THADA: variants seen among roughly 807,000 people sequenced by gnomAD.
THADA encodes tRNA (32-2'-O)-methyltransferase regulator THADA.
Under a neutral mutation model 219.8 loss-of-function variants are expected in THADA, and 213 were observed. That is an observed-to-expected ratio of 0.97 (90% confidence interval 0.87 to 1.09). The LOEUF is 1.09. Among genes scored for constraint, THADA ranks in the 50% least tolerant of loss-of-function variants. The pLI, the probability that THADA is intolerant of heterozygous loss-of-function variation, is 0.00. For synonymous variants in THADA, 1,018 were observed against 828.9 expected, an observed-to-expected ratio of 1.23 and a Z score of -3.92; for missense variants, 2,956 against 2,311.3, an observed-to-expected ratio of 1.28 and a Z score of -5.72.
intron 29 of THADA, among the ~76,000 whole-genome samples, chr2:43,380,793 C>G (rs1223770150): frequency 1.3e-5 from 2 of 152,112 alleles, no homozygotes; most frequent in Non-Finnish European, 2.9e-5. Context: ...ACTAGAACAT[C>G]TTGTTCCAGA....
intron 26 of THADA, among the ~76,000 whole-genome samples, chr2:43,475,169 C>T (rs1481865155): frequency 2.0e-5 from 3 of 152,128 alleles, no homozygotes; most frequent in Non-Finnish European, 4.4e-5. Flanking sequence ...GTAATCCTAT[C>T]ACTTTGGGAG....
intron 29 of THADA, among the ~76,000 whole-genome samples, chr2:43,351,805 T>A (rs142886550): frequency 6.6e-6 from 1 of 152,222 alleles, no homozygotes; most frequent in Non-Finnish European, 1.5e-5. Context: ...GGAAATAGTA[T>A]TGACAAGAGA....
At chr2:43,268,983 A>C (rs1671835858) in intron 36 of THADA, among the ~76,000 whole-genome samples, 1 of 152,204 alleles carries the variant, frequency 6.6e-6, no homozygotes, top group East Asian at 1.9e-4. Flanking sequence ...TAGTGACCCT[A>C]ACACCTGAAA....
chr2:43,514,873 TATA>T (rs1191486835), intron 22 of THADA, among the ~76,000 whole-genome samples: 2 of 72,358 alleles, frequency 2.8e-5, no homozygotes, highest in African/African-American at 6.6e-5. Context: ...ATATTTTATG[TATA>T]ATATGTATAA....
chr2:43,334,210 T>C (rs1458031736), intron 30 of THADA, among the ~76,000 whole-genome samples: 1 of 151,470 alleles, frequency 6.6e-6, no homozygotes, highest in Non-Finnish European at 1.5e-5. Context: ...GATGGGAGTA[T>C]GGATAGGGGG....
intron 29 of THADA, among the ~76,000 whole-genome samples, chr2:43,356,893 A>G (rs1279911197): frequency 6.6e-6 from 1 of 152,212 alleles, no homozygotes; most frequent in Non-Finnish European, 1.5e-5. Context: ...TTCTTGTTCC[A>G]CATGGATTTT....
intron 36 of THADA, among the ~76,000 whole-genome samples, chr2:43,240,604 G>A (rs1668519547): frequency 6.6e-6 from 1 of 152,118 alleles, no homozygotes; most frequent in African/African-American, 2.4e-5. Flanking sequence ...GATTCCAGGT[G>A]GGGCACTCTG....
At chr2:43,515,406 C>G (rs1414065310) in intron 22 of THADA, among the ~76,000 whole-genome samples, 22 of 77,788 alleles carry the variant, frequency 2.8e-4, no homozygotes, top group Non-Finnish European at 5.2e-4. Flanking sequence ...TATATATAAA[C>G]TATATATACA....
intron 36 of THADA, among the ~76,000 whole-genome samples, chr2:43,234,332 C>T (rs1667776302): frequency 6.6e-6 from 1 of 152,192 alleles, no homozygotes; most frequent in East Asian, 1.9e-4. Context: ...ACAGCAGCAC[C>T]TAGTTGCATG....
intron 29 of THADA, among the ~76,000 whole-genome samples, chr2:43,391,603 G>GC (rs1673390667): frequency 6.7e-6 from 1 of 149,314 alleles, no homozygotes; most frequent in Non-Finnish European, 1.5e-5. Context: ...CCTTTCTTTA[G>GC]TTTTTTTTTT....
intron 31 of THADA, among the ~76,000 whole-genome samples, chr2:43,298,699 G>C (rs1675887726): frequency 6.6e-6 from 1 of 152,118 alleles, no homozygotes; most frequent in African/African-American, 2.4e-5. Flanking sequence ...TGCTGGACTT[G>C]AGAGTTGGAC....
At chr2:43,415,026 C>T (rs1676761299) in intron 28 of THADA, among the ~76,000 whole-genome samples, 1 of 152,194 alleles carries the variant, frequency 6.6e-6, no homozygotes, top group African/African-American at 2.4e-5. Context: ...TCACTGCAGT[C>T]TTCCAAAGGT....
intron 25 of THADA, among the ~76,000 whole-genome samples, chr2:43,487,505 T>C (rs1687054667): frequency 6.6e-6 from 1 of 152,162 alleles, no homozygotes; most frequent in Admixed American, 6.5e-5. Flanking sequence ...GAGACACATG[T>C]CTTTTTAGTA....
rs1673305346 is a variant in THADA at position 43,281,131 on chromosome 2, T to C, written c.5165-1235A>G. On this transcript the variant is annotated intron_variant, in intron 35 of 37. Transcript: ENST00000405975. ...TAAGAACTCCCCTTTGTCTATCCTC[T>C]ACCTCATCTGTACATGGAGAACCTG... 2.0e-5 allele frequency among the ~76,000 whole-genome samples: 3 copies of C among 152,216 alleles called. 1 individual carries two copies. Among genetic ancestry groups the C allele is most frequent in the Admixed American group, 2.0e-4 (3 of 15,286 alleles).
intron 29 of THADA, among the ~76,000 whole-genome samples, chr2:43,390,452 C>A (rs1281258853): frequency 6.6e-6 from 1 of 152,076 alleles, no homozygotes; most frequent in African/African-American, 2.4e-5. Context: ...TACCTTTATT[C>A]AAAAAATAAG....
chr2:43,468,211 C>A (rs1455555606), intron 26 of THADA, among the ~76,000 whole-genome samples: 2 of 152,074 alleles, frequency 1.3e-5, no homozygotes, highest in South Asian at 2.1e-4. Context: ...TTTGAGAATG[C>A]TTGGTGTAAA....
chr2:43,248,117 T>C (rs1357461221), intron 36 of THADA, among the ~76,000 whole-genome samples: 4 of 129,722 alleles, frequency 3.1e-5, no homozygotes, highest in Non-Finnish European at 6.4e-5. Context: ...ATGCCTTCAC[T>C]GCTCCATACA....
chr2:43,362,119 G>A (rs1669589795), intron 29 of THADA, among the ~76,000 whole-genome samples: 1 of 152,148 alleles, frequency 6.6e-6, no homozygotes, highest in Non-Finnish European at 1.5e-5. Context: ...AAATACTTTA[G>A]CTCCCAACGT....
chr2:43,315,108 G>A (rs1012317545), intron 31 of THADA, among the ~76,000 whole-genome samples: 1 of 152,202 alleles, frequency 6.6e-6, no homozygotes, highest in African/African-American at 2.4e-5. Context: ...GAGAGGGGAT[G>A]AGCAGATGCT....
Sources: gnomAD v4.1 joint callset for allele counts (sites outside exome capture counted in the v4.1 genomes callset) on GRCh38, gnomAD v4.1.1 for gene constraint, MANE v1.5 for transcripts, NCBI Gene and HGNC (gene_info 2026-07-23, HGNC 2026-07-21) for gene names.